The following SOD2 variants were observed in gnomAD, a reference collection of about 807,000 sequenced individuals.
SOD2 encodes the protein superoxide dismutase [Mn], mitochondrial.
Under a neutral mutation model 27.0 loss-of-function variants are expected in SOD2, and 11 were observed. The ratio of observed to expected loss-of-function variants is 0.41; its 90% confidence interval spans 0.26 to 0.67. The LOEUF (loss-of-function observed/expected upper bound fraction) is 0.67, where lower values mean the gene tolerates loss of function less well. SOD2 is among the 30% of genes least tolerant of loss of function. SOD2 has a pLI of 0.34. For missense variants in SOD2, 250 were observed against 274.5 expected, an observed-to-expected ratio of 0.91 and a Z score of 0.63; for synonymous variants, 105 against 103.0, an observed-to-expected ratio of 1.02 and a Z score of -0.12.
chr6:159,736,180 A>G, intron 1 of SOD2: 1 of 1,367,876 alleles, frequency 7.3e-7, no homozygotes, highest in Non-Finnish European at 1.0e-6. Flanking sequence ...AATTGATTTG[A>G]AAGAGTCAGT....
At chr6:159,721,041 T>A (rs1328053597) in intron 1 of SOD2, among the ~76,000 whole-genome samples, 1 of 148,498 alleles carries the variant, frequency 6.7e-6, no homozygotes, top group Admixed American at 6.6e-5. Context: ...TGTATTTTTA[T>A]TTTTATTTAA....
intron 3 of SOD2, among the ~76,000 whole-genome samples, chr6:159,685,747 T>C (rs566585750): frequency 5.9e-5 from 9 of 152,004 alleles, no homozygotes; most frequent in Admixed American, 5.2e-4. Flanking sequence ...AAGTACTCCA[T>C]GTTTAGCTTC....
At chr6:159,727,257 T>G (rs1431319667) in exon 1 of SOD2, 1 of 1,282,756 alleles carries the variant, frequency 7.8e-7, no homozygotes, top group Admixed American at 2.3e-5. Context: ...ACGGCCTCCC[T>G]CCCTTCACCT....
At chr6:159,755,628 T>G in intron 1 of SOD2, 2 of 1,568,426 alleles carry the variant, frequency 1.3e-6, no homozygotes, top group Middle Eastern at 1.7e-4. Context: ...TTCAGCAAAT[T>G]TTTATACAGT....
Position 159,673,344 on chromosome 6 carries a change from T to A in SOD2, c.*9149A>T, listed in dbSNP as rs1208781150. The A allele has an allele frequency of 2.0e-5, 3 of 152,186 alleles. No homozygotes were observed. Among genetic ancestry groups the A allele is most frequent in the Non-Finnish European group, 4.4e-5 (3 of 68,044 alleles). 9.4% of individuals were successfully genotyped at this position (152,186 alleles called of 1,614,324 possible). On this transcript the variant is annotated 3_prime_UTR_variant, in exon 5 of 5. Transcript: ENST00000538183. ...CCTATTCCAAAATTGACCACATAGT[T>A]GGAAGTAAAGCACTCCTCAGCAAAT...
At chr6:159,698,472 T>C (rs1283805902) in intron 1 of SOD2, among the ~76,000 whole-genome samples, 3 of 148,698 alleles carry the variant, frequency 2.0e-5, no homozygotes, top group Non-Finnish European at 4.4e-5. Context: ...CTCAGGAGAC[T>C]GAGGCAGGAG....
At chr6:159,723,811 T>G (rs1041585956) in intron 1 of SOD2, among the ~76,000 whole-genome samples, 3 of 152,216 alleles carry the variant, frequency 2.0e-5, no homozygotes, top group African/African-American at 7.2e-5. Context: ...CAAGCTGTAG[T>G]GCACTGGTGA....
At chr6:159,732,334 G>A (rs927036198), upstream of SOD2, among the ~76,000 whole-genome samples, 1 of 152,078 alleles carries the variant, frequency 6.6e-6, no homozygotes, top group African/African-American at 2.4e-5. Flanking sequence ...TTAGTAACTA[G>A]ATAAAAGGTA....
At position 159,681,284 on chromosome 6, in the gene SOD2, G is replaced by A. The variant is rs1389868970; in HGVS notation, c.*1209C>T. The A allele has an allele frequency of 6.6e-6, 1 of 151,596 alleles. No individual in the cohort carries two copies. The highest frequency in any genetic ancestry group is 1.5e-5 in the Non-Finnish European group (1 of 67,824). 9.4% of individuals were successfully genotyped at this position (151,596 alleles called of 1,614,324 possible). ...AGGAAACCAGCAAGCTGATAAGCAA[G>A]AAGGTCATAACAGTTTCAAACAATA... On this transcript the variant is annotated 3_prime_UTR_variant, in exon 5 of 5. Transcript: ENST00000538183.
intron 1 of SOD2, chr6:159,726,829 G>C: frequency 7.8e-7 from 1 of 1,289,192 alleles, no homozygotes; most frequent in South Asian, 1.2e-5. Flanking sequence ...GAAGGCATCG[G>C]TTTCTAAGTT....
At chr6:159,712,820 T>A in intron 1 of SOD2, 1 of 568,094 alleles carries the variant, frequency 1.8e-6, no homozygotes, top group Non-Finnish European at 3.5e-6. Context: ...CTCCCATCAT[T>A]TGCCTACCAT....
intron 1 of SOD2, chr6:159,741,614 A>G (rs1163004325): frequency 1.3e-5 from 2 of 153,530 alleles, no homozygotes; most frequent in Non-Finnish European, 2.9e-5. Flanking sequence ...CTCAGCAGAA[A>G]AAACCTTCTC....
intron 1 of SOD2, among the ~76,000 whole-genome samples, chr6:159,742,952 G>A (rs975576399): frequency 2.0e-5 from 3 of 152,064 alleles, no homozygotes; most frequent in Admixed American, 6.5e-5. Context: ...GCTGCAGTGA[G>A]CCCTGATTGT....
At position 159,673,980 on chromosome 6, in the gene SOD2, A is replaced by G. The variant is rs567921867; in HGVS notation, c.*8513T>C. The G allele has an allele frequency of 1.3e-5, 2 of 152,376 alleles. No homozygotes were observed. Among genetic ancestry groups the G allele is most frequent in the Admixed American group, 6.5e-5 (1 of 15,306 alleles). The allele number at this position is 152,376 out of a possible 1,614,324, so 9.4% of individuals were successfully genotyped here. ...ATACTATAAACACCTCTATGCAAAT[A>G]AACTAGAAAATCTAGAAGAAATAGA... is the stretch of plus-strand genomic sequence containing the variant. On this transcript the variant is annotated 3_prime_UTR_variant, in exon 5 of 5. Coordinates refer to ENST00000538183, the MANE Select transcript of SOD2 (RefSeq NM_000636.4).
chr6:159,690,939 T>C (rs1201401084), intron 2 of SOD2: 1 of 151,498 alleles, frequency 6.6e-6, no homozygotes, highest in East Asian at 1.9e-4. Context: ...AAAATATTCA[T>C]ATTAGTCAGT....
chr6:159,693,540 G>T (rs2758343), upstream of SOD2, among the ~76,000 whole-genome samples: 68,364 of 152,004 alleles, frequency 0.45, 16,037 homozygotes, highest in Admixed American at 0.53. Context: ...CCCTGCCCCC[G>T]TGGAGTTGGT....
At chr6:159,689,433 T>C (rs950565052) in intron 2 of SOD2, among the ~76,000 whole-genome samples, 1 of 152,168 alleles carries the variant, frequency 6.6e-6, no homozygotes, top group South Asian at 2.1e-4. Flanking sequence ...GCCAAATAAG[T>C]AGGCAAAATA....
intron 3 of SOD2, among the ~76,000 whole-genome samples, chr6:159,686,277 T>C (rs1780182590): frequency 6.6e-6 from 1 of 152,190 alleles, no homozygotes; most frequent in Non-Finnish European, 1.5e-5. Flanking sequence ...TGGTTGCATA[T>C]GAATATATCT....
intron 1 of SOD2, among the ~76,000 whole-genome samples, chr6:159,702,644 T>A: frequency 9.7e-6 from 1 of 103,352 alleles, no homozygotes; most frequent in African/African-American, 4.0e-5. Flanking sequence ...ACAGGGAAGC[T>A]CTATCTCTCC....
Sources: allele counts gnomAD v4.1 joint callset (sites outside exome capture counted in the v4.1 genomes callset), GRCh38; gene constraint gnomAD v4.1.1; transcripts MANE v1.5; gene names NCBI Gene and HGNC (gene_info 2026-07-23, HGNC 2026-07-21).